The following ICMT variants were observed in gnomAD, a reference collection of about 807,000 sequenced individuals.
The protein encoded by ICMT is protein-S-isoprenylcysteine O-methyltransferase.
ICMT carries 10 observed loss-of-function variants against 32.2 expected under a neutral mutation model. The ratio of observed to expected loss-of-function variants is 0.31; its 90% CI spans 0.19 to 0.53. The LOEUF (loss-of-function observed/expected upper bound fraction) is 0.53. ICMT is among the 20% of genes least tolerant of loss of function. The pLI, the probability that ICMT is intolerant of heterozygous loss-of-function variation, is 0.96. For synonymous variants in ICMT, 183 were observed against 158.2 expected (o/e 1.16, Z -1.18); for missense variants, 265 against 356.9 (o/e 0.74, Z 2.07).
intron 4 of ICMT, among the ~76,000 whole-genome samples, chr1:6,228,597 C>T (rs1206590196): frequency 6.6e-6 from 1 of 152,040 alleles, no homozygotes; most frequent in Non-Finnish European, 1.5e-5. Flanking sequence ...CTGCCTCAGC[C>T]TCCCAAAGTG....
At chr1:6,229,032 C>CA (rs70981315) in intron 4 of ICMT, among the ~76,000 whole-genome samples, 5,822 of 117,584 alleles carry the variant, frequency 0.05, 115 homozygotes, top group Middle Eastern at 0.088. Flanking sequence ...GACTCTGTCT[C>CA]AAAAAAAAAA....
rs1668539355 is a variant in ICMT at position 6,221,211 on chromosome 1, A to AG, written c.*3868dup. The AG allele has an allele frequency of 6.6e-6, 1 of 152,648 alleles. No homozygotes were observed. Among genetic ancestry groups the AG allele is most frequent in the African/African-American group, 2.4e-5 (1 of 41,468 alleles). The allele number at this position is 152,648 out of a possible 1,614,324, so 9.5% of individuals were successfully genotyped here. A position where few individuals can be genotyped will look rare whatever the true frequency, so the allele number is the denominator to read the frequency against. Reference sequence around the variant, plus strand: ...ACTGTGGTTGAGTGAAATCAAGTGCAGTTTTATTTAAGAACTGGAAAGAAT... The same window carrying AG: ...ACTGTGGTTGAGTGAAATCAAGTGCAGGTTTTATTTAAGAACTGGAAAGAAT... On this transcript the variant is annotated 3_prime_UTR_variant, in exon 5 of 5. Transcript: ENST00000343813.
Position 6,232,728 on chromosome 1 carries a change from C to T in ICMT, c.455-609G>A, listed in dbSNP as rs560643113. Among the ~76,000 whole-genome samples, 16 of 152,048 alleles carry T rather than the reference C, an allele frequency of 1.1e-4. No homozygotes were observed. The East Asian group carries it at 1.7e-3, about 17-fold the overall frequency. ...CAGGCCCGGCTAATTTTGTATTTTT[C>T]GTAGAGACGGGGTTTTACCATGCTG... On this transcript the variant is annotated intron_variant, in intron 3 of 4. Transcript: ENST00000343813.
rs1177398378 is a variant in ICMT at position 6,235,956 on chromosome 1, C to G, written c.-45G>C. 4.0e-6 allele frequency: 4 copies of G among 1,008,674 alleles called. No individual in the cohort carries two copies. The highest frequency in any genetic ancestry group is 3.4e-5 in the African/African-American group (2 of 58,398). The allele number at this position is 1,008,674 out of a possible 1,614,324, so 62.5% of individuals were successfully genotyped here. On this transcript the variant is annotated 5_prime_UTR_variant, in exon 1 of 5. Coordinates refer to ENST00000343813, the MANE Select transcript of ICMT (RefSeq NM_012405.4). ...GCGGGCGGCGGCGCCGGCTGTAGCCCGGAGAAACGCGCCGGCTGCGCCTGC... is the reference window on the plus strand; with the variant it reads ...GCGGGCGGCGGCGCCGGCTGTAGCCGGGAGAAACGCGCCGGCTGCGCCTGC...
At chr1:6,235,670 ACCGCCGCCCGCC>A in intron 1 of ICMT, 35 bp downstream of exon 1, 1 of 1,118,674 alleles carries the variant, frequency 8.9e-7, no homozygotes, top group East Asian at 4.6e-5. Context: ...CGCCAAGCGG[ACCGCCGCCCGCC>A]CCGCCGGCCC....
rs914332028 is a variant in ICMT at position 6,222,537 on chromosome 1, A to G, written c.*2543T>C. The G allele has an allele frequency of 6.6e-6, 1 of 152,250 alleles. No homozygotes were observed. Among genetic ancestry groups the G allele is most frequent in the African/African-American group, 2.4e-5 (1 of 41,462 alleles). 9.4% of individuals were successfully genotyped at this position (152,250 alleles called of 1,614,324 possible). On this transcript the variant is annotated 3_prime_UTR_variant, in exon 5 of 5. Coordinates refer to ENST00000343813, the MANE Select transcript of ICMT (RefSeq NM_012405.4). Reference sequence around the variant, plus strand: ...TTCTCCCACCATCCCTACCCCTGGAATTCCTCTCCAAAGCAGAGTACGTCA... The same window carrying G: ...TTCTCCCACCATCCCTACCCCTGGAGTTCCTCTCCAAAGCAGAGTACGTCA...
chr1:6,224,191 C>T lies in ICMT; in HGVS notation c.*889G>A, dbSNP rs1668604934. On this transcript the variant is annotated 3_prime_UTR_variant, in exon 5 of 5. Coordinates refer to ENST00000343813, the MANE Select transcript of ICMT (RefSeq NM_012405.4). ...AGCTATGGTAAAATGAGAATCAAAT[C>T]CCAAATAAACGGAGAGCAGCACTTC... 1 of 152,146 alleles carries T rather than the reference C, an allele frequency of 6.6e-6. No homozygotes were observed. The highest frequency in any genetic ancestry group is 1.5e-5 in the Non-Finnish European group (1 of 68,040). The allele number at this position is 152,146 out of a possible 1,614,324, so 9.4% of individuals were successfully genotyped here.
chr1:6,233,691 T>G, intron 2 of ICMT, 48 bp from the exon 3 acceptor site: 12 of 1,521,574 alleles, frequency 7.9e-6, no homozygotes, highest in Non-Finnish European at 1.1e-5. Flanking sequence ...AGAACCAAGT[T>G]AACCATAAGT....
At position 6,221,482 on chromosome 1, in the gene ICMT, A is replaced by G. The variant is rs1416725351; in HGVS notation, c.*3598T>C. The stretch of plus-strand genomic sequence containing the variant: ...CCTTCTAACCTTGCCAAACCACTAC[A>G]AAAGCAAACTAGGGTGGGCAAGCCC... On this transcript the variant is annotated 3_prime_UTR_variant, in exon 5 of 5. Coordinates refer to ENST00000343813, the MANE Select transcript of ICMT (RefSeq NM_012405.4). 1 of 152,618 alleles carries G rather than the reference A, an allele frequency of 6.6e-6. No individual in the cohort carries two copies. Among genetic ancestry groups the G allele is most frequent in the Non-Finnish European group, 1.5e-5 (1 of 68,072 alleles). The allele number at this position is 152,618 out of a possible 1,614,324, so 9.5% of individuals were successfully genotyped here.
intron 2 of ICMT, chr1:6,234,536 G>T (rs1302157246): frequency 2.1e-6 from 1 of 484,740 alleles, no homozygotes. Context: ...AGATGAAAAA[G>T]GCCCATGAAG....
intron 4 of ICMT, among the ~76,000 whole-genome samples, chr1:6,229,809 CACACACACACACACAT>C (rs1156415063): frequency 7.1e-6 from 1 of 140,838 alleles, no homozygotes; most frequent in Admixed American, 7.0e-5. Flanking sequence ...CACACACACA[CACACACACACACACAT>C]AGAGCAGGTG....
intron 2 of ICMT, chr1:6,234,498 G>A (rs764966264): frequency 6.1e-6 from 3 of 488,764 alleles, no homozygotes; most frequent in Admixed American, 2.2e-5. Flanking sequence ...CTGTGGGGAT[G>A]CACTAGATGT....
intron 2 of ICMT, among the ~76,000 whole-genome samples, chr1:6,234,096 T>A (rs1439011451): frequency 1.3e-5 from 2 of 152,120 alleles, no homozygotes; most frequent in Admixed American, 6.5e-5. Context: ...AGGCTGGTCT[T>A]GAACTCCTGA....
chr1:6,227,708 T>A (rs1162192141), intron 4 of ICMT, among the ~76,000 whole-genome samples: 3 of 152,028 alleles, frequency 2.0e-5, no homozygotes, highest in Non-Finnish European at 4.4e-5. Flanking sequence ...ACAAAAAATT[T>A]AGCCAGGCAT....
chr1:6,228,031 G>A lies in ICMT; in HGVS notation c.673-2769C>T, dbSNP rs531382024. On this transcript the variant is annotated intron_variant, in intron 4 of 4. Coordinates refer to ENST00000343813, the MANE Select transcript of ICMT (RefSeq NM_012405.4). ...AAACAAAAAGTTAGCTGGGCATGGTGGTGCACACTTATAGTCCCAGCTACT... is the reference window on the plus strand; with the variant it reads ...AAACAAAAAGTTAGCTGGGCATGGTAGTGCACACTTATAGTCCCAGCTACT... Among the ~76,000 whole-genome samples, 10 of 152,252 alleles carry A rather than the reference G, an allele frequency of 6.6e-5. No homozygotes were observed. The East Asian group carries it at 1.7e-3, about 26-fold the overall frequency.
rs1163453055 is a variant in ICMT, at chr1:6,225,202, G to A, written c.733C>T (p.Arg245Cys). ...ATTTCTTCTTCTTCTGTTCGATCGC[G>A]GAAGAATCGCCACACTGTCAGGGCA... ...SYALTVWRFF[R>C]DRTEEEEISL... The change falls in exon 5 of 5, where the codon CGC becomes TGC. Residue 245 changes from arginine (R) to cysteine (C), a missense_variant. Arg to Cys is a radical substitution (Grantham distance 180). Around this residue, in one of 2 missense-constraint regions of ICMT, gnomAD observed 166 missense variants for 264.3 expected, o/e 0.63. Transcript: ENST00000343813. The A allele has an allele frequency of 3.7e-6, 6 of 1,614,034 alleles. No homozygotes were observed. Among genetic ancestry groups the A allele is most frequent in the African/African-American group, 1.3e-5 (1 of 75,014 alleles).
chr1:6,231,195 A>T (rs1429979886), intron 4 of ICMT, among the ~76,000 whole-genome samples: 1 of 152,074 alleles, frequency 6.6e-6, no homozygotes, highest in Non-Finnish European at 1.5e-5. Context: ...AAGAAAGAAA[A>T]GAAAAGAAAC....
chr1:6,233,846 GTGTTT>G lies in ICMT; in HGVS notation c.285-208_285-204del, dbSNP rs571736779. On this transcript the variant is annotated intron_variant, in intron 2 of 4. Transcript: ENST00000343813. Reference sequence around the variant, plus strand: ...TTTTAAGGGGCTGTTTTTGTTTCTGGTGTTTTGTTTTGTTTTGTTTGAGACAGAGT... The same window carrying G: ...TTTTAAGGGGCTGTTTTTGTTTCTGGTGTTTTGTTTTGTTTGAGACAGAGT... 4.4e-4 allele frequency among the ~76,000 whole-genome samples: 67 copies of G among 152,132 alleles called. 1 individual carries two copies. Among genetic ancestry groups the G allele is most frequent in the Non-Finnish European group, 8.2e-4 (56 of 67,988 alleles).
chr1:6,223,913 T>C lies in ICMT; in HGVS notation c.*1167A>G, dbSNP rs1401244473. 2.0e-5 allele frequency: 3 copies of C among 152,250 alleles called. No individual in the cohort carries two copies. Among genetic ancestry groups the C allele is most frequent in the African/African-American group, 7.2e-5 (3 of 41,464 alleles). 9.4% of individuals were successfully genotyped at this position (152,250 alleles called of 1,614,324 possible). On this transcript the variant is annotated 3_prime_UTR_variant, in exon 5 of 5. Transcript: ENST00000343813. Reference sequence around the variant, plus strand: ...CAGAATGAAGCCAGCGTCTCACCTCTTAAAGCTTCGATGTGTGACTCAAAG... The same window carrying C: ...CAGAATGAAGCCAGCGTCTCACCTCCTAAAGCTTCGATGTGTGACTCAAAG...
Sources: gnomAD v4.1 joint callset for allele counts (sites outside exome capture counted in the v4.1 genomes callset) on GRCh38, gnomAD v4.1.1 for gene constraint, gnomAD v4.1.1 regional missense constraint, MANE v1.5 for transcripts, NCBI Gene and HGNC (gene_info 2026-07-23, HGNC 2026-07-21) for gene names.